Variants in PRR16 observed in about 807,000 individuals in gnomAD.
PRR16 encodes the protein protein Largen.
In PRR16, 6 loss-of-function variants were observed where a neutral mutation model predicts 18.2. The ratio of observed to expected loss-of-function variants is 0.33; its 90% CI spans 0.18 to 0.65. The LOEUF (loss-of-function observed/expected upper bound fraction) is 0.65, where lower values mean the gene tolerates loss of function less well. Ranked by LOEUF, PRR16 falls within the 30% of genes least tolerant of loss-of-function variation. The probability of loss-of-function intolerance (pLI) is 0.74; values close to 1 mark genes in which losing one functional copy is unlikely to be tolerated. For synonymous variants in PRR16, 151 were observed against 147.8 expected (o/e 1.02, Z -0.16); for missense variants, 412 against 376.6 (o/e 1.09, Z -0.78).
intron 1 of PRR16, among the ~76,000 whole-genome samples, chr5:120,609,952 A>T (rs1039637740): frequency 6.6e-6 from 1 of 152,186 alleles, no homozygotes; most frequent in Non-Finnish European, 1.5e-5. Context: ...TTTGAGGCTT[A>T]TCTTCCTGCT....
At chr5:120,593,355 A>G (rs1753699505) in intron 1 of PRR16, among the ~76,000 whole-genome samples, 1 of 152,058 alleles carries the variant, frequency 6.6e-6, no homozygotes. Context: ...AATAATCACT[A>G]GAGACTACTA....
At chr5:120,494,813 C>T (rs149460744) in intron 1 of PRR16, among the ~76,000 whole-genome samples, 299 of 152,128 alleles carry the variant, frequency 2.0e-3, no homozygotes, top group African/African-American at 6.9e-3. Flanking sequence ...TTAAGGATGT[C>T]CATTTGCTCA....
chr5:120,588,135 A>G (rs1049608842), intron 1 of PRR16, among the ~76,000 whole-genome samples: 1 of 152,232 alleles, frequency 6.6e-6, no homozygotes, highest in East Asian at 1.9e-4. Flanking sequence ...ATAAAAATTT[A>G]ATGGATGAGA....
chr5:120,505,641 G>T (rs1370516814), intron 1 of PRR16, among the ~76,000 whole-genome samples: 1 of 152,094 alleles, frequency 6.6e-6, no homozygotes, highest in Non-Finnish European at 1.5e-5. Context: ...AAAGTGAATT[G>T]GGATTTTACA....
At chr5:120,550,714 G>T (rs1043335860) in intron 1 of PRR16, among the ~76,000 whole-genome samples, 1 of 151,968 alleles carries the variant, frequency 6.6e-6, no homozygotes, top group Non-Finnish European at 1.5e-5. Flanking sequence ...CTTCAACATA[G>T]CCATTTCCAC....
chr5:120,726,732 AT>A, the PRR16 span, among the ~76,000 whole-genome samples: 1 of 152,030 alleles, frequency 6.6e-6, no homozygotes, highest in Non-Finnish European at 1.5e-5. Flanking sequence ...GGTCATATCT[AT>A]TGCCTCTTCT....
At chr5:120,689,785 A>G (rs1484261316), downstream of PRR16, among the ~76,000 whole-genome samples, 3 of 151,714 alleles carry the variant, frequency 2.0e-5, no homozygotes, top group Non-Finnish European at 4.4e-5. Flanking sequence ...TTAGACAAAG[A>G]TTTTCCCATT....
intron 1 of PRR16, chr5:120,617,286 C>T (rs1561576306): frequency 1.9e-6 from 1 of 535,130 alleles, no homozygotes; most frequent in Non-Finnish European, 2.4e-6. Flanking sequence ...ATTTGTAATT[C>T]AAAATATATG....
chr5:120,593,973 C>A (rs1753722187), intron 1 of PRR16, among the ~76,000 whole-genome samples: 1 of 151,922 alleles, frequency 6.6e-6, no homozygotes. Flanking sequence ...TAAAAACCCT[C>A]AAAAATGAGG....
chr5:120,739,884 A>G, the PRR16 span, among the ~76,000 whole-genome samples: 2 of 151,098 alleles, frequency 1.3e-5, no homozygotes, highest in African/African-American at 4.9e-5. Context: ...AGTAAGCTTC[A>G]AATAAATTAC....
the PRR16 span, among the ~76,000 whole-genome samples, chr5:120,754,772 ACTTTT>A: frequency 1.3e-5 from 2 of 149,906 alleles, no homozygotes; most frequent in Non-Finnish European, 3.0e-5. Context: ...TAACATCTTT[ACTTTT>A]CTTTATTGCT....
chr5:120,747,758 TGAAG>T, the PRR16 span, among the ~76,000 whole-genome samples: 139 of 151,224 alleles, frequency 9.2e-4, 1 homozygote, highest in African/African-American at 3.1e-3. Context: ...AAGAGAAAGA[TGAAG>T]GAAGGAAGGA....
intron 1 of PRR16, among the ~76,000 whole-genome samples, chr5:120,545,195 T>C (rs1752037537): frequency 6.6e-6 from 1 of 152,132 alleles, no homozygotes; most frequent in African/African-American, 2.4e-5. Context: ...CTTATTCACA[T>C]GCACAGAGCT....
the PRR16 span, among the ~76,000 whole-genome samples, chr5:120,741,262 T>A: frequency 3.2e-4 from 49 of 152,132 alleles, no homozygotes; most frequent in African/African-American, 1.1e-3. Context: ...TATTTTATTA[T>A]TGAGGCAGAG....
the PRR16 span, among the ~76,000 whole-genome samples, chr5:120,761,316 T>G: frequency 6.6e-5 from 10 of 152,024 alleles, no homozygotes; most frequent in Non-Finnish European, 1.5e-5. Flanking sequence ...CAAGGTGTAG[T>G]TTATAACAGG....
At chr5:120,754,553 T>A in the PRR16 span, among the ~76,000 whole-genome samples, 1 of 73,408 alleles carries the variant, frequency 1.4e-5, no homozygotes, top group Admixed American at 2.1e-4. Context: ...TTATATATAA[T>A]ATATATTATA....
chr5:120,653,302 A>C (rs1217779976), intron 1 of PRR16, among the ~76,000 whole-genome samples: 2 of 149,460 alleles, frequency 1.3e-5, no homozygotes, highest in African/African-American at 4.9e-5. Flanking sequence ...ATAAAAGTAA[A>C]AAAAAAAAGT....
chr5:120,647,653 C>T (rs1755643872), intron 1 of PRR16, among the ~76,000 whole-genome samples: 1 of 152,006 alleles, frequency 6.6e-6, no homozygotes, highest in East Asian at 1.9e-4. Flanking sequence ...CTCATAAATT[C>T]AGTCTTTAAA....
intron 1 of PRR16, among the ~76,000 whole-genome samples, chr5:120,567,677 T>C (rs1228605227): frequency 6.6e-6 from 1 of 152,116 alleles, no homozygotes; most frequent in Non-Finnish European, 1.5e-5. Context: ...TGTTTAAAAG[T>C]GTAGTACTTC....
Sources: allele counts gnomAD v4.1 joint callset (sites outside exome capture counted in the v4.1 genomes callset), GRCh38; gene constraint gnomAD v4.1.1; transcripts MANE v1.5; gene names NCBI Gene and HGNC (gene_info 2026-07-23, HGNC 2026-07-21).